The following PYY variants were observed in gnomAD, a reference collection of about 807,000 sequenced individuals.
PYY encodes the protein peptide YY, also known as peptide tyrosine tyrosine.
In PYY, 12 loss-of-function variants were observed where a neutral mutation model predicts 10.3. The observed-to-expected ratio is 1.17, with a 90% CI of 0.75 to 1.89. PYY has a LOEUF of 1.89. Among genes scored for constraint, PYY ranks in the 40% most tolerant of loss-of-function variants. The pLI, the probability that PYY is intolerant of heterozygous loss-of-function variation, is 0.00. For synonymous variants in PYY, 66 were observed against 62.0 expected, an observed-to-expected ratio of 1.06 and a Z score of -0.30; for missense variants, 141 against 134.0, an observed-to-expected ratio of 1.05 and a Z score of -0.26.
chr17:43,976,282 C>CACATAT (rs1491439269), intron 1 of PYY, among the ~76,000 whole-genome samples: 33,767 of 98,732 alleles, frequency 0.34, 9,197 homozygotes, highest in South Asian at 0.45. Flanking sequence ...CGTATATATA[C>CACATAT]GCATATGTAT....
chr17:43,975,711 C>A (rs2048824043), intron 1 of PYY, among the ~76,000 whole-genome samples: 1 of 132,212 alleles, frequency 7.6e-6, no homozygotes, highest in Non-Finnish European at 1.5e-5. Context: ...AGGAGTAAGA[C>A]CCTGAAAAAA....
chr17:43,990,576 A>G (rs901044932), intron 1 of PYY, among the ~76,000 whole-genome samples: 2 of 152,226 alleles, frequency 1.3e-5, no homozygotes, highest in African/African-American at 4.8e-5. Context: ...AAAAACCGCA[A>G]TTACTTTTGC....
chr17:43,969,151 CA>C lies in PYY; in HGVS notation c.-462-2620del, dbSNP rs368685991. On this transcript the variant is annotated intron_variant, in intron 1 of 6. Transcript: ENST00000360085. ...GACAACTGAACTCAGGAATATATAA[CA>C]AAAAAAAATGTATATGTTACAATCA... Among the ~76,000 whole-genome samples the C allele has an allele frequency of 8.6e-5, 13 of 150,642 alleles. No individual in the cohort carries two copies. In the South Asian group the frequency reaches 1.9e-3, roughly 22 times the overall value.
intron 1 of PYY, among the ~76,000 whole-genome samples, chr17:43,969,431 C>T (rs749225512): frequency 1.3e-5 from 2 of 148,538 alleles, no homozygotes; most frequent in South Asian, 2.2e-4. Flanking sequence ...GCAGAAGAAT[C>T]GCTTGAACCC....
chr17:43,990,935 C>G (rs2048952908), intron 1 of PYY, among the ~76,000 whole-genome samples: 1 of 151,562 alleles, frequency 6.6e-6, no homozygotes. Context: ...GCTGGGACTA[C>G]AGGCGCCCGC....
intron 1 of PYY, among the ~76,000 whole-genome samples, chr17:43,993,898 G>A (rs2048973612): frequency 6.6e-6 from 1 of 151,870 alleles, no homozygotes; most frequent in Non-Finnish European, 1.5e-5. Flanking sequence ...CTGTTGCCCA[G>A]GCTGGGGTGC....
chr17:43,991,957 A>G (rs1247932354), intron 1 of PYY, among the ~76,000 whole-genome samples: 1 of 151,232 alleles, frequency 6.6e-6, no homozygotes, highest in African/African-American at 2.4e-5. Flanking sequence ...CGTCTGTACT[A>G]AAAAAGTACA....
intron 1 of PYY, among the ~76,000 whole-genome samples, chr17:43,997,196 G>A (rs978406836): frequency 7.2e-5 from 11 of 152,060 alleles, no homozygotes; most frequent in Middle Eastern, 3.4e-3. Context: ...GCACCACCAC[G>A]CCTGGCTAAC....
intron 1 of PYY, among the ~76,000 whole-genome samples, chr17:43,996,523 G>C (rs1284558578): frequency 6.6e-6 from 1 of 152,096 alleles, no homozygotes; most frequent in Non-Finnish European, 1.5e-5. Flanking sequence ...GGAGTGCAGT[G>C]GTGTAATCTC....
upstream of PYY, among the ~76,000 whole-genome samples, chr17:43,958,929 TTTGGAAGTAATA>T: frequency 6.6e-6 from 1 of 152,366 alleles, no homozygotes; most frequent in East Asian, 1.9e-4. Flanking sequence ...CGTTAAATGC[TTTGGAAGTAATA>T]CACAAAGAGA....
At chr17:43,963,323 C>T (rs1387292096) in intron 2 of PYY, among the ~76,000 whole-genome samples, 1 of 151,814 alleles carries the variant, frequency 6.6e-6, no homozygotes, top group African/African-American at 2.4e-5. Flanking sequence ...CTCTGGCCAA[C>T]ATGGTGAAAC....
rs1874615577 is a variant in PYY, at chr17:43,987,399, C to T, written c.-463+16992G>A. ...TATTCCTCTGGGCCCAGCCCATCGC[C>T]TCTACCCTGGGACTTCAGCTACAAA... On this transcript the variant is annotated intron_variant, in intron 1 of 6. Transcript: ENST00000360085. The surrounding 1 kb of genome is among the most constrained non-coding windows in gnomAD (Gnocchi z 4.0). 6.6e-6 allele frequency among the ~76,000 whole-genome samples: 1 copy of T among 152,236 alleles called. No individual in the cohort carries two copies. Among genetic ancestry groups the T allele is most frequent in the African/African-American group, 2.4e-5 (1 of 41,450 alleles).
At chr17:43,980,493 G>C (rs1386049008) in intron 1 of PYY, among the ~76,000 whole-genome samples, 1 of 148,602 alleles carries the variant, frequency 6.7e-6, no homozygotes, top group East Asian at 2.0e-4. Context: ...TGTTTTTTTT[G>C]AGACAGGGTC....
intron 1 of PYY, among the ~76,000 whole-genome samples, chr17:43,969,507 C>A (rs2143915317): frequency 1.9e-5 from 2 of 104,062 alleles, no homozygotes; most frequent in South Asian, 4.5e-4. Context: ...TAGAGCAAGA[C>A]TCTGTCTCAA....
intron 1 of PYY, among the ~76,000 whole-genome samples, chr17:43,967,528 T>G (rs2048762744): frequency 6.6e-6 from 1 of 152,206 alleles, no homozygotes; most frequent in Non-Finnish European, 1.5e-5. Context: ...TGACTAGCTG[T>G]GTGATCTTAG....
Position 43,953,052 on chromosome 17 carries a change from A to G in PYY, c.269+57T>C, listed in dbSNP as rs2143882691. The G allele has an allele frequency of 1.9e-6, 3 of 1,600,438 alleles. No individual in the cohort carries two copies. The East Asian group carries it at 6.7e-5, about 36-fold the overall frequency. ...GGAGACGTCGTTAAGTGATGTTGCC[A>G]GGGTAGGGCCAGGCCGCGCTCTCGG... is the stretch of plus-strand genomic sequence containing the variant. On this transcript the variant is annotated intron_variant, in intron 3 of 3. Transcript: ENST00000692052.
chr17:43,975,994 C>CTACGTACGTGTACATACACGTGTA (rs1252590164), intron 1 of PYY, among the ~76,000 whole-genome samples: 122 of 4,480 alleles, frequency 0.027, 45 homozygotes, highest in Admixed American at 0.089. Context: ...ATACACGTGT[C>CTACGTACGTGTACATACACGTGTA]TACGTACGTG....
chr17:43,952,890 G>A lies in PYY; in HGVS notation c.*66C>T, dbSNP rs368039387. 1.5e-4 allele frequency: 225 copies of A among 1,479,810 alleles called. No homozygotes were observed. Among genetic ancestry groups the A allele is most frequent in the Non-Finnish European group, 1.2e-4 (128 of 1,107,776 alleles). The allele number at this position is 1,479,810 out of a possible 1,614,324, so 91.7% of individuals were successfully genotyped here. A position where few individuals can be genotyped will look rare whatever the true frequency, so the allele number is the denominator to read the frequency against. On this transcript the variant is annotated 3_prime_UTR_variant, in exon 4 of 4. Transcript: ENST00000692052. ...GGGAGGCAGAATCCGGGTTTCTGGG[G>A]TCGGGAGTGCGTATGCAAATGACGT...
chr17:43,958,611 C>T (rs992688310), upstream of PYY, among the ~76,000 whole-genome samples: 32 of 152,216 alleles, frequency 2.1e-4, no homozygotes, highest in Admixed American at 2.0e-3. Context: ...AACTCCCAGC[C>T]TCAAGTGATC....
Sources: allele counts gnomAD v4.1 joint callset (sites outside exome capture counted in the v4.1 genomes callset), GRCh38; gene constraint gnomAD v4.1.1; non-coding constraint Gnocchi (gnomAD v3.1); transcripts MANE v1.5; gene names NCBI Gene and HGNC (gene_info 2026-07-23, HGNC 2026-07-21).